UNC13C: variants seen among roughly 807,000 people sequenced by gnomAD.
UNC13C encodes the protein protein unc-13 homolog C.
UNC13C carries 174 observed loss-of-function variants against 245.4 expected under a neutral mutation model. That is an observed-to-expected ratio of 0.71 (90% CI 0.63 to 0.80). The LOEUF (loss-of-function observed/expected upper bound fraction) is 0.80, where lower values mean the gene tolerates loss of function less well. Ranked by LOEUF, UNC13C falls within the 30% of genes least tolerant of loss-of-function variation. The pLI is 0.00. For synonymous variants in UNC13C, 992 were observed against 895.1 expected, an observed-to-expected ratio of 1.11 and a Z score of -1.93; for missense variants, 2,829 against 2,602.9, an observed-to-expected ratio of 1.09 and a Z score of -1.89.
chr15:54,421,337 C>A (rs1000271565), intron 19 of UNC13C, among the ~76,000 whole-genome samples: 1 of 151,818 alleles, frequency 6.6e-6, no homozygotes, highest in African/African-American at 2.4e-5. Flanking sequence ...TGCTAAATAG[C>A]CTATACATCA....
chr15:54,369,200 C>G (rs911512433), intron 17 of UNC13C, among the ~76,000 whole-genome samples: 1 of 149,210 alleles, frequency 6.7e-6, no homozygotes, highest in African/African-American at 2.5e-5. Context: ...CTCCCCCCCC[C>G]AAAAAAAAAA....
chr15:53,878,831 A>G, the UNC13C span, among the ~76,000 whole-genome samples: 1 of 152,202 alleles, frequency 6.6e-6, no homozygotes, highest in African/African-American at 2.4e-5. Flanking sequence ...GTCTTTGCTC[A>G]TGGAACCAAC....
At chr15:54,141,596 G>A (rs896144090) in intron 2 of UNC13C, among the ~76,000 whole-genome samples, 1 of 151,854 alleles carries the variant, frequency 6.6e-6, no homozygotes, top group Non-Finnish European at 1.5e-5. Context: ...TGAAAATTAA[G>A]ATATATATTT....
chr15:54,157,918 T>A (rs2032819490), intron 4 of UNC13C, among the ~76,000 whole-genome samples: 1 of 152,240 alleles, frequency 6.6e-6, no homozygotes, highest in African/African-American at 2.4e-5. Context: ...GAATTAAATA[T>A]ATTTCTATCT....
intron 18 of UNC13C, among the ~76,000 whole-genome samples, chr15:54,402,682 A>C (rs756274900): frequency 1.3e-5 from 2 of 152,160 alleles, no homozygotes; most frequent in Non-Finnish European, 2.9e-5. Context: ...TATCATCCCC[A>C]AACTGCAGAT....
intron 4 of UNC13C, among the ~76,000 whole-genome samples, chr15:54,217,772 T>G (rs1353646771): frequency 6.7e-6 from 1 of 149,598 alleles, no homozygotes; most frequent in African/African-American, 2.4e-5. Context: ...CTAGGAAATT[T>G]CAGGCTCTTA....
chr15:54,062,943 C>G (rs1897030), intron 2 of UNC13C, among the ~76,000 whole-genome samples: 141,775 of 152,258 alleles, frequency 0.93, 66,254 homozygotes, highest in Non-Finnish European at 0.97. Flanking sequence ...GTTGTAATTA[C>G]GAATGCTCAT....
intron 2 of UNC13C, among the ~76,000 whole-genome samples, chr15:54,118,361 AT>A (rs573818315): frequency 1.3e-5 from 2 of 151,442 alleles, no homozygotes; most frequent in Non-Finnish European, 2.9e-5. Flanking sequence ...TTGTATAGAT[AT>A]TTTACTTCTT....
At chr15:54,419,630 C>G (rs1180374757) in intron 19 of UNC13C, among the ~76,000 whole-genome samples, 1 of 152,036 alleles carries the variant, frequency 6.6e-6, no homozygotes, top group Non-Finnish European at 1.5e-5. Flanking sequence ...TATTTTATCC[C>G]TGCCTGAACT....
intron 18 of UNC13C, among the ~76,000 whole-genome samples, chr15:54,399,301 C>T (rs1166315241): frequency 1.3e-5 from 2 of 151,580 alleles, no homozygotes; most frequent in African/African-American, 4.8e-5. Context: ...CAATTGTATA[C>T]ATAGATAAGA....
chr15:54,424,048 A>G (rs563155873), intron 19 of UNC13C, among the ~76,000 whole-genome samples: 1 of 151,996 alleles, frequency 6.6e-6, no homozygotes, highest in South Asian at 2.1e-4. Flanking sequence ...CTGCCTTGCT[A>G]CCTATAATAA....
At chr15:54,267,178 T>C (rs934041034) in intron 10 of UNC13C, among the ~76,000 whole-genome samples, 3 of 146,490 alleles carry the variant, frequency 2.0e-5, no homozygotes, top group Non-Finnish European at 4.4e-5. Flanking sequence ...TATGTTTTTA[T>C]TTCTCTTGAA....
At chr15:54,533,168 AG>A in intron 26 of UNC13C, 102 bp downstream of exon 26, 3 of 847,016 alleles carry the variant, frequency 3.5e-6, no homozygotes, top group Non-Finnish European at 5.4e-6. Context: ...TAGCATTAAA[AG>A]TCTTTCTATA....
intron 10 of UNC13C, among the ~76,000 whole-genome samples, chr15:54,279,038 A>G (rs2036908911): frequency 6.6e-6 from 1 of 152,170 alleles, no homozygotes; most frequent in Non-Finnish European, 1.5e-5. Context: ...GTTCATAAAC[A>G]TATTTATTCA....
the UNC13C span, among the ~76,000 whole-genome samples, chr15:53,916,326 G>A: frequency 6.6e-6 from 1 of 152,298 alleles, no homozygotes; most frequent in Admixed American, 6.5e-5. Context: ...ATTTGAGAAG[G>A]ACATCCTGAA....
At chr15:53,854,652 A>T in the UNC13C span, among the ~76,000 whole-genome samples, 1 of 151,984 alleles carries the variant, frequency 6.6e-6, no homozygotes, top group South Asian at 2.1e-4. Context: ...CCATTGGTTT[A>T]TGTGTCTGTT....
At position 54,277,116 on chromosome 15, in the gene UNC13C, C is replaced by T. The variant is rs866957274; in HGVS notation, c.3818+11620C>T. On this transcript the variant is annotated intron_variant, in intron 10 of 32. Transcript: ENST00000260323. ...AAGACATGCCTTTCTTTTCTGTGCA[C>T]GATACTCAAACATTATGATATGAAC... Among the ~76,000 whole-genome samples the T allele has an allele frequency of 7.2e-5, 11 of 152,130 alleles. No homozygotes were observed. The South Asian group carries it at 1.0e-3, about 14-fold the overall frequency.
At chr15:54,284,562 GA>G (rs2037091417) in intron 10 of UNC13C, among the ~76,000 whole-genome samples, 1 of 152,008 alleles carries the variant, frequency 6.6e-6, no homozygotes, top group Non-Finnish European at 1.5e-5. Context: ...TTTGAGCTGG[GA>G]AAATACAAGG....
At chr15:54,586,812 C>G (rs1898515422) in intron 30 of UNC13C, among the ~76,000 whole-genome samples, 1 of 152,156 alleles carries the variant, frequency 6.6e-6, no homozygotes. Flanking sequence ...AAGAAGAAAC[C>G]AGCCAGCTCC....
Sources: gnomAD v4.1 joint callset for allele counts (sites outside exome capture counted in the v4.1 genomes callset) on GRCh38, gnomAD v4.1.1 for gene constraint, MANE v1.5 for transcripts, NCBI Gene and HGNC (gene_info 2026-07-23, HGNC 2026-07-21) for gene names.